WDFY3: variants seen among roughly 807,000 people sequenced by gnomAD.
WDFY3 encodes WD repeat and FYVE domain-containing protein 3.
WDFY3 carries 66 observed loss-of-function variants against 409.6 expected under a neutral mutation model. The ratio of observed to expected loss-of-function variants is 0.16; its 90% confidence interval spans 0.13 to 0.20. The LOEUF (loss-of-function observed/expected upper bound fraction) is 0.20, where lower values mean the gene tolerates loss of function less well. WDFY3 is among the 10% of genes least tolerant of loss of function. The pLI, the probability that WDFY3 is intolerant of heterozygous loss-of-function variation, is 1.00. For synonymous variants in WDFY3, 1,521 were observed against 1,537.1 expected (o/e 0.99, Z 0.25); for missense variants, 3,031 against 4,298.1 (o/e 0.71, Z 8.24).
chr4:84,844,752 T>G (rs1452872251), intron 5 of WDFY3, among the ~76,000 whole-genome samples: 1 of 152,250 alleles, frequency 6.6e-6, no homozygotes, highest in Non-Finnish European at 1.5e-5. Context: ...ATTGACCATG[T>G]GCCCTTAAAC....
At chr4:84,916,231 T>A (rs1007288861) in intron 2 of WDFY3, among the ~76,000 whole-genome samples, 10 of 152,140 alleles carry the variant, frequency 6.6e-5, no homozygotes, top group African/African-American at 2.4e-4. Flanking sequence ...GTTCATCTAG[T>A]AAGTTCACAA....
At chr4:84,834,100 T>C (rs1200886499) in intron 7 of WDFY3, among the ~76,000 whole-genome samples, 1 of 152,200 alleles carries the variant, frequency 6.6e-6, no homozygotes, top group Non-Finnish European at 1.5e-5. Context: ...ATTATAGTTG[T>C]TGTTGGTTCT....
chr4:84,739,999 T>C (rs774625811), intron 39 of WDFY3, among the ~76,000 whole-genome samples, 188 bp downstream of exon 39: 1 of 151,446 alleles, frequency 6.6e-6, no homozygotes, highest in Non-Finnish European at 1.5e-5. Context: ...AAAACTAAGT[T>C]AAAGGAAAAA....
chr4:84,941,847 A>G (rs568686524), intron 1 of WDFY3, among the ~76,000 whole-genome samples: 1 of 152,236 alleles, frequency 6.6e-6, no homozygotes, highest in African/African-American at 2.4e-5. Flanking sequence ...AAGGACAGAA[A>G]TTCCAGAAAC....
At position 84,717,463 on chromosome 4, in the gene WDFY3, ATTG is replaced by A. The variant is rs1185350545; in HGVS notation, c.7755-450_7755-448del. Among the ~76,000 whole-genome samples, 5 of 152,226 alleles carry A rather than the reference ATTG, an allele frequency of 3.3e-5. No homozygotes were observed. In the South Asian group the frequency reaches 1.0e-3, roughly 32 times the overall value. ...CCACGAAAGACTTCATGTGACCCTG[ATTG>A]TTGTTGACAGTAATTATTTGAAATA... On this transcript the variant is annotated intron_variant, in intron 48 of 67. Transcript: ENST00000295888.
In WDFY3 at chr4:84,739,472, C is replaced by T. The variant is rs1738022413; in HGVS notation, c.6465-353G>A. On this transcript the variant is annotated intron_variant, in intron 39 of 67. Transcript: ENST00000295888. ...CTCTCCAGTCTTATATCTCACTACT[C>T]TGCTCCTGTAGTGAAGTAGTTGCAG... 9.4e-6 allele frequency: 2 copies of T among 212,382 alleles called. 1 individual carries two copies. Among genetic ancestry groups the T allele is most frequent in the Admixed American group, 1.1e-4 (2 of 18,898 alleles). The allele number at this position is 212,382 out of a possible 1,614,324, so 13.2% of individuals were successfully genotyped here.
chr4:84,911,440 T>C (rs925557622), intron 2 of WDFY3, among the ~76,000 whole-genome samples: 1 of 152,110 alleles, frequency 6.6e-6, no homozygotes, highest in Non-Finnish European at 1.5e-5. Flanking sequence ...TGAGGTATAA[T>C]CGCACCACTA....
intron 62 of WDFY3, among the ~76,000 whole-genome samples, chr4:84,686,107 C>T (rs896947589): frequency 4.6e-5 from 7 of 152,056 alleles, no homozygotes; most frequent in Non-Finnish European, 8.8e-5. Context: ...AGATCGAAAC[C>T]ATCTTCGCTA....
chr4:84,734,896 G>T, intron 43 of WDFY3, 147 bp downstream of exon 43: 1 of 663,086 alleles, frequency 1.5e-6, no homozygotes, highest in Non-Finnish European at 2.5e-6. Flanking sequence ...CAAAGTAGCT[G>T]ATGGCAGGAA....
intron 1 of WDFY3, among the ~76,000 whole-genome samples, chr4:84,951,568 T>A (rs1244932696): frequency 6.6e-6 from 1 of 152,240 alleles, no homozygotes. Flanking sequence ...TATATCTATA[T>A]CTCAACAACA....
At chr4:84,956,589 C>T (rs76555165) in intron 1 of WDFY3, among the ~76,000 whole-genome samples, 9,960 of 152,164 alleles carry the variant, frequency 0.065, 445 homozygotes, top group Admixed American at 0.12. Context: ...TTTTTAAAAT[C>T]CTCACTCATT....
chr4:84,884,560 A>G (rs1192940765), intron 3 of WDFY3, among the ~76,000 whole-genome samples: 7 of 152,198 alleles, frequency 4.6e-5, no homozygotes, highest in Non-Finnish European at 5.9e-5. Context: ...AACAATACAT[A>G]TATCTCAAGG....
intron 66 of WDFY3, 66 bp from the exon 67 acceptor site, chr4:84,677,462 T>C: frequency 6.9e-7 from 1 of 1,450,510 alleles, no homozygotes; most frequent in Non-Finnish European, 9.2e-7. Flanking sequence ...CTTGAGGCTC[T>C]CTGGATTTTG....
intron 2 of WDFY3, among the ~76,000 whole-genome samples, chr4:84,929,120 T>C (rs917006585): frequency 6.6e-6 from 1 of 152,208 alleles, no homozygotes; most frequent in Admixed American, 6.5e-5. Context: ...TGGAAGTTGA[T>C]GCCATGTTGT....
intron 30 of WDFY3, among the ~76,000 whole-genome samples, chr4:84,769,631 C>T (rs1439107200): frequency 1.3e-5 from 2 of 152,014 alleles, no homozygotes; most frequent in Non-Finnish European, 2.9e-5. Context: ...ACCATGTTAG[C>T]CAGGATGGTC....
intron 29 of WDFY3, 150 bp from the exon 30 acceptor site, chr4:84,773,079 G>A: frequency 1.7e-6 from 1 of 605,652 alleles, no homozygotes. Flanking sequence ...TTCACTTGCA[G>A]AAAGAAATGC....
intron 36 of WDFY3, among the ~76,000 whole-genome samples, chr4:84,744,265 T>C (rs1216189811): frequency 6.6e-6 from 1 of 151,570 alleles, no homozygotes; most frequent in Non-Finnish European, 1.5e-5. Context: ...GTAAAATAAA[T>C]AACAAATGAA....
At chr4:84,718,959 T>C (rs115017603) in intron 47 of WDFY3, among the ~76,000 whole-genome samples, 2 of 152,344 alleles carry the variant, frequency 1.3e-5, no homozygotes. Context: ...GTGTTCTATG[T>C]GAGGCAAGAT....
chr4:84,673,039 A>C, intron 67 of WDFY3, 48 bp from the exon 68 acceptor site: 1 of 1,609,102 alleles, frequency 6.2e-7, no homozygotes, highest in Non-Finnish European at 8.5e-7. Context: ...TCCATGCTTG[A>C]TCATGGGCAC....
Sources: allele counts gnomAD v4.1 joint callset (sites outside exome capture counted in the v4.1 genomes callset), GRCh38; gene constraint gnomAD v4.1.1; transcripts MANE v1.5; gene names NCBI Gene and HGNC (gene_info 2026-07-23, HGNC 2026-07-21).